GNAT3: variants seen among roughly 807,000 people sequenced by gnomAD.
GNAT3 encodes the protein G protein subunit alpha transducin 3, also known as guanine nucleotide-binding protein G(t) subunit alpha-3.
Under a neutral mutation model 37.7 loss-of-function variants are expected in GNAT3, and 31 were observed. That is an observed-to-expected ratio of 0.82 (90% CI 0.62 to 1.11). The LOEUF (loss-of-function observed/expected upper bound fraction) is 1.11. Among genes scored for constraint, GNAT3 ranks in the 50% most tolerant of loss-of-function variants. The pLI, the probability that GNAT3 is intolerant of heterozygous loss-of-function variation, is 0.00. For synonymous variants in GNAT3, 138 were observed against 139.8 expected (o/e 0.99, Z 0.09); for missense variants, 437 against 412.5 (o/e 1.06, Z -0.51).
intron 7 of GNAT3, among the ~76,000 whole-genome samples, chr7:80,460,474 C>T (rs799934): frequency 0.023 from 3,443 of 152,156 alleles, 126 homozygotes; most frequent in African/African-American, 0.077. Flanking sequence ...TGGACTTGGC[C>T]GGGGACGGTG....
intron 1 of GNAT3, among the ~76,000 whole-genome samples, chr7:80,495,378 G>A (rs190861315): frequency 1.3e-3 from 191 of 151,630 alleles, no homozygotes; most frequent in African/African-American, 4.4e-3. Context: ...TCTCTACATC[G>A]CTGCCAGTAT....
intron 5 of GNAT3, among the ~76,000 whole-genome samples, chr7:80,469,435 C>T (rs1173263183): frequency 6.6e-6 from 1 of 152,116 alleles, no homozygotes. Context: ...GGAGGGCTCA[C>T]ATTTGCTCTG....
At chr7:80,485,083 G>A (rs1790454119) in intron 3 of GNAT3, among the ~76,000 whole-genome samples, 1 of 151,822 alleles carries the variant, frequency 6.6e-6, no homozygotes, top group Non-Finnish European at 1.5e-5. Flanking sequence ...TGAATTCTGT[G>A]ATTTCGCATA....
intron 2 of GNAT3, among the ~76,000 whole-genome samples, chr7:80,493,505 T>A (rs1562730290): frequency 6.6e-6 from 1 of 152,184 alleles, no homozygotes; most frequent in Non-Finnish European, 1.5e-5. Context: ...CTGGCAGGCA[T>A]CACTCCCTTA....
intron 3 of GNAT3, among the ~76,000 whole-genome samples, chr7:80,483,085 A>G (rs190304525): frequency 2.4e-4 from 37 of 152,204 alleles, no homozygotes; most frequent in African/African-American, 8.9e-4. Flanking sequence ...CATTACAAGC[A>G]TATGGTGTAC....
At chr7:80,465,569 T>C (rs749934023) in intron 5 of GNAT3, among the ~76,000 whole-genome samples, 10 of 152,136 alleles carry the variant, frequency 6.6e-5, no homozygotes, top group African/African-American at 1.2e-4. Flanking sequence ...GTGGCTATGA[T>C]AGCTATGCTG....
At chr7:80,495,068 T>C (rs930027429) in intron 1 of GNAT3, among the ~76,000 whole-genome samples, 1 of 151,706 alleles carries the variant, frequency 6.6e-6, no homozygotes, top group Non-Finnish European at 1.5e-5. Context: ...ATCAAAGACA[T>C]GATTTTTTTT....
At chr7:80,498,555 A>C (rs1444918509) in intron 1 of GNAT3, among the ~76,000 whole-genome samples, 2 of 152,128 alleles carry the variant, frequency 1.3e-5, no homozygotes, top group Admixed American at 6.6e-5. Flanking sequence ...TTGCAAAGTT[A>C]TTTCAAAAAT....
At chr7:80,462,401 T>C in intron 6 of GNAT3, 89 bp from the exon 7 acceptor site, 1 of 1,557,942 alleles carries the variant, frequency 6.4e-7, no homozygotes, top group Non-Finnish European at 8.8e-7. Context: ...AGAACTAACA[T>C]AAATCTTTGG....
intron 1 of GNAT3, among the ~76,000 whole-genome samples, chr7:80,506,175 G>A (rs1359336302): frequency 1.3e-5 from 2 of 151,934 alleles, no homozygotes; most frequent in Non-Finnish European, 2.9e-5. Context: ...ATTCATGCTC[G>A]AATGAAAATA....
intron 4 of GNAT3, among the ~76,000 whole-genome samples, chr7:80,475,305 G>GA (rs1036637089): frequency 2.0e-5 from 3 of 146,532 alleles, no homozygotes; most frequent in South Asian, 2.2e-4. Flanking sequence ...TAAATTAGAG[G>GA]AAAAAAAACC....
intron 5 of GNAT3, among the ~76,000 whole-genome samples, chr7:80,473,469 C>T (rs563202835): frequency 1.8e-4 from 27 of 151,870 alleles, no homozygotes; most frequent in Non-Finnish European, 3.7e-4. Context: ...CAGTTTTTTA[C>T]TCTTTAAGAT....
chr7:80,489,596 T>G lies in GNAT3; in HGVS notation c.162-920A>C, dbSNP rs116468902. On this transcript the variant is annotated intron_variant, in intron 2 of 7. Transcript: ENST00000398291. ...TTAGAAGCTTCCTATACAAGAAATC[T>G]GAACTGAAAGGAGTAAAGGCACAGC... Among the ~76,000 whole-genome samples, 1,425 of 152,234 alleles carry G rather than the reference T, an allele frequency of 9.4e-3. 30 individuals carry two copies. The highest frequency in any genetic ancestry group is 0.033 in the African/African-American group (1,359 of 41,556).
At chr7:80,458,937 A>C in intron 7 of GNAT3, 76 bp from the exon 8 acceptor site, 1 of 1,006,604 alleles carries the variant, frequency 9.9e-7, no homozygotes, top group Non-Finnish European at 1.4e-6. Flanking sequence ...AATATCAGCA[A>C]ATTTTAGGAT....
Position 80,462,647 on chromosome 7 carries a change from A to G in GNAT3, c.591-16T>C. ...ATCAAACATCCTTTAAGAAAACATC[A>G]AATGAATAATAAATCTTGCAAATAT... is the stretch of plus-strand genomic sequence containing the variant. On this transcript the variant is annotated splice_polypyrimidine_tract_variant and intron_variant, in intron 5 of 7. Coordinates refer to ENST00000398291, the MANE Select transcript of GNAT3 (RefSeq NM_001102386.3). 1 of 1,603,422 alleles carries G rather than the reference A, an allele frequency of 6.2e-7. No homozygotes were observed. Among genetic ancestry groups the G allele is most frequent in the Non-Finnish European group, 8.5e-7 (1 of 1,173,766 alleles).
Position 80,479,004 on chromosome 7 carries a change from A to G in GNAT3, c.304-6T>C. 1 of 1,584,482 alleles carries G rather than the reference A, an allele frequency of 6.3e-7. No individual in the cohort carries two copies. The highest frequency in any genetic ancestry group is 8.6e-7 in the Non-Finnish European group (1 of 1,165,480). On this transcript the variant is annotated splice_polypyrimidine_tract_variant and splice_region_variant and intron_variant, in intron 3 of 7. Transcript: ENST00000398291. ...TAAAGTTGTCGTTGGTCCTCCTAGA[A>G]CAATATTTTGGTGAGAATAAGTATG... is the stretch of plus-strand genomic sequence containing the variant.
In GNAT3 at chr7:80,463,949, T is replaced by C. The variant is rs565330002; in HGVS notation, c.591-1318A>G. On this transcript the variant is annotated intron_variant, in intron 5 of 7. Transcript: ENST00000398291. ...AGTTTTGGGAACATAAAGAATAAGG[T>C]AAAAACACTGAGCTATATGGCCTAA... Among the ~76,000 whole-genome samples the C allele has an allele frequency of 1.3e-4, 20 of 151,342 alleles. No homozygotes were observed. In the South Asian group the frequency reaches 3.8e-3, roughly 29 times the overall value.
intron 5 of GNAT3, among the ~76,000 whole-genome samples, chr7:80,467,876 C>T (rs1790151044): frequency 6.6e-6 from 1 of 151,632 alleles, no homozygotes; most frequent in African/African-American, 2.4e-5. Context: ...TTAACTTCCA[C>T]GATGTTACAT....
chr7:80,504,433 G>A lies in GNAT3; in HGVS notation c.118+7376C>T, dbSNP rs75874368. ...ATATACAACTTACATTGCAATTAAT[G>A]AAAGAGACTAAACAGGATAAGAAAA... is the stretch of plus-strand genomic sequence containing the variant. On this transcript the variant is annotated intron_variant, in intron 1 of 7. Transcript: ENST00000398291. Among the ~76,000 whole-genome samples, 57 of 152,296 alleles carry A rather than the reference G, an allele frequency of 3.7e-4. No homozygotes were observed. In the East Asian group the frequency reaches 9.8e-3, roughly 26 times the overall value.
Sources: gnomAD v4.1 joint callset for allele counts (sites outside exome capture counted in the v4.1 genomes callset) on GRCh38, gnomAD v4.1.1 for gene constraint, MANE v1.5 for transcripts, NCBI Gene and HGNC (gene_info 2026-07-23, HGNC 2026-07-21) for gene names.